Variants in ZPBP observed in about 807,000 individuals in gnomAD.
The protein encoded by ZPBP is zona pellucida binding protein.
Under a neutral mutation model 44.8 loss-of-function variants are expected in ZPBP, and 26 were observed. The ratio of observed to expected loss-of-function variants is 0.58; its 90% CI spans 0.43 to 0.81. The LOEUF is 0.81. Among genes scored for constraint, ZPBP ranks in the 30% least tolerant of loss-of-function variants. The pLI is 0.00. For missense variants in ZPBP, 409 were observed against 434.0 expected (o/e 0.94, Z 0.51); for synonymous variants, 174 against 153.2 (o/e 1.14, Z -1.00).
chr7:50,001,486 C>T (rs1798091717), intron 6 of ZPBP, among the ~76,000 whole-genome samples: 2 of 152,136 alleles, frequency 1.3e-5, no homozygotes, highest in Admixed American at 1.3e-4. Flanking sequence ...AAAACCTGTT[C>T]CTCTTTTTTG....
rs201585872 is a variant in ZPBP, at chr7:50,013,894, T to C, written c.783+4346A>G. Among the ~76,000 whole-genome samples the C allele has an allele frequency of 2.4e-4, 37 of 152,212 alleles. No individual in the cohort carries two copies. In the East Asian group the frequency reaches 6.6e-3, roughly 27 times the overall value. On this transcript the variant is annotated intron_variant, in intron 6 of 7. Transcript: ENST00000046087. ...ATGAATGAGTAAATACCATCTGCTA[T>C]ATATGGCAGTGGCATTGTTTTTCTT...
chr7:50,037,954 G>A (rs529239872), intron 4 of ZPBP, among the ~76,000 whole-genome samples: 5 of 152,240 alleles, frequency 3.3e-5, no homozygotes, highest in Admixed American at 1.3e-4. Context: ...AGGTGAATCT[G>A]GCTGAGAGGT....
chr7:49,872,440 A>T (rs1791196803), intron 2 of ZPBP, among the ~76,000 whole-genome samples: 1 of 152,192 alleles, frequency 6.6e-6, no homozygotes, highest in African/African-American at 2.4e-5. Flanking sequence ...ATGCAAAAAT[A>T]AATCCTAGGT....
chr7:49,981,311 ATAT>A lies in ZPBP; in HGVS notation c.961+2028_961+2030del, dbSNP rs1562818954. Among the ~76,000 whole-genome samples the A allele has an allele frequency of 2.4e-4, 14 of 57,664 alleles. No individual in the cohort carries two copies. In the East Asian group the frequency reaches 3.3e-3, roughly 14 times the overall value. The allele number at this position is 57,664 out of a possible 152,430, so 37.8% of individuals were successfully genotyped here. On this transcript the variant is annotated intron_variant, in intron 7 of 7. Coordinates refer to ENST00000046087, the MANE Select transcript of ZPBP (RefSeq NM_007009.3). Reference sequence around the variant, plus strand: ...TATAATATATATTATATATAATTATATATTATATAATATATATTATAATTATAT... The same window carrying A: ...TATAATATATATTATATATAATTATATATATAATATATATTATAATTATAT...
intron 7 of ZPBP, among the ~76,000 whole-genome samples, chr7:49,939,330 T>C (rs952806390): frequency 6.6e-6 from 1 of 152,178 alleles, no homozygotes; most frequent in Non-Finnish European, 1.5e-5. Flanking sequence ...CAAGCTTAAA[T>C]AAATATGACT....
intron 1 of ZPBP, among the ~76,000 whole-genome samples, chr7:49,902,114 A>G (rs1792782191): frequency 1.3e-5 from 2 of 152,032 alleles, no homozygotes; most frequent in Admixed American, 6.5e-5. Flanking sequence ...AAGTCTAGAT[A>G]GCTTTGGGTT....
At chr7:49,938,704 TTC>T (rs1794720650) in intron 7 of ZPBP, among the ~76,000 whole-genome samples, 2 of 152,290 alleles carry the variant, frequency 1.3e-5, no homozygotes, top group Admixed American at 1.3e-4. Context: ...TCTTTGATTA[TTC>T]TGTTCCTCTT....
chr7:50,077,732 CA>C (rs1175867167), intron 3 of ZPBP, among the ~76,000 whole-genome samples: 11 of 151,688 alleles, frequency 7.3e-5, no homozygotes, highest in Non-Finnish European at 1.5e-4. Context: ...ATCCAAAACA[CA>C]GGAAATAACA....
chr7:49,848,340 C>T (rs1239711888), downstream of ZPBP, among the ~76,000 whole-genome samples: 1 of 152,224 alleles, frequency 6.6e-6, no homozygotes, highest in African/African-American at 2.4e-5. Flanking sequence ...TGTGGGGTAG[C>T]TCCAAATGTC....
chr7:49,857,551 C>G (rs1250389093), intron 2 of ZPBP, among the ~76,000 whole-genome samples: 1 of 152,122 alleles, frequency 6.6e-6, no homozygotes, highest in African/African-American at 2.4e-5. Context: ...AGAAAAAGTG[C>G]TCAACATTGC....
At chr7:49,904,971 T>C (rs1379495666) in intron 1 of ZPBP, among the ~76,000 whole-genome samples, 4 of 151,992 alleles carry the variant, frequency 2.6e-5, no homozygotes, top group African/African-American at 9.7e-5. Flanking sequence ...CCTGACCTCA[T>C]AATCTACCCA....
At chr7:49,851,018 G>T (rs1441346018) in intron 2 of ZPBP, among the ~76,000 whole-genome samples, 1 of 152,174 alleles carries the variant, frequency 6.6e-6, no homozygotes, top group East Asian at 1.9e-4. Flanking sequence ...CCGCAATTCT[G>T]CAGGCCAGAA....
chr7:50,002,150 G>C (rs969322929), intron 6 of ZPBP, among the ~76,000 whole-genome samples: 1 of 150,176 alleles, frequency 6.7e-6, no homozygotes, highest in African/African-American at 2.4e-5. Context: ...CACATGGCTA[G>C]GGGGGCCTCA....
At chr7:49,912,080 A>G (rs1416363967) in intron 1 of ZPBP, 4 of 1,614,164 alleles carry the variant, frequency 2.5e-6, no homozygotes, top group Non-Finnish European at 3.4e-6. Flanking sequence ...CTGGCAGAGA[A>G]GTGAAGACTG....
chr7:49,935,476 G>C (rs565493961), downstream of ZPBP, among the ~76,000 whole-genome samples: 1 of 152,108 alleles, frequency 6.6e-6, no homozygotes, highest in East Asian at 1.9e-4. Context: ...TCAGCTCACT[G>C]CACACTCCGC....
chr7:49,934,376 G>A (rs1016000736), downstream of ZPBP, among the ~76,000 whole-genome samples: 4 of 151,836 alleles, frequency 2.6e-5, no homozygotes, highest in Non-Finnish European at 5.9e-5. Flanking sequence ...ATTTTTCAAA[G>A]TATATTTATT....
rs374373726 is a variant in ZPBP, at chr7:49,983,401, C to T, written c.902G>A (p.Arg301His). The T allele has an allele frequency of 3.5e-5, 56 of 1,613,272 alleles. No individual in the cohort carries two copies. The Middle Eastern group carries it at 8.3e-4, about 24-fold the overall frequency. Residue 301 changes from arginine (R) to histidine (H), a missense_variant, in exon 7 of 8, where the codon CGC (arginine) becomes CAC (histidine). Coordinates refer to ENST00000046087, the MANE Select transcript of ZPBP (RefSeq NM_007009.3). ...ATTCATTCCATATCCTGGAAAGCAG[C>T]GATTAATCCAAACCATTTGGAGAGT... ...EGTLQMVWIN[R>H]CFPGYGMNVQ... is the part of the protein sequence containing the mutation.
intron 2 of ZPBP, among the ~76,000 whole-genome samples, chr7:49,880,603 T>A (rs915374854): frequency 1.3e-5 from 2 of 151,906 alleles, no homozygotes; most frequent in Non-Finnish European, 2.9e-5. Flanking sequence ...ATTTATTTTT[T>A]AATTATACTT....
intron 2 of ZPBP, among the ~76,000 whole-genome samples, chr7:49,893,554 A>C (rs763781950): frequency 1.8e-4 from 27 of 152,180 alleles, no homozygotes; most frequent in Non-Finnish European, 3.1e-4. Flanking sequence ...ACATGTCCAC[A>C]TGAACAAATA....
Sources: allele counts gnomAD v4.1 joint callset (sites outside exome capture counted in the v4.1 genomes callset), GRCh38; gene constraint gnomAD v4.1.1; transcripts MANE v1.5; gene names NCBI Gene and HGNC (gene_info 2026-07-23, HGNC 2026-07-21).